The following SPAST variants were observed in gnomAD, a reference collection of about 807,000 sequenced individuals.
SPAST encodes the protein spastin, also known as spastic paraplegia 4 (autosomal dominant; spastin).
In SPAST, 30 loss-of-function variants were observed where a neutral mutation model predicts 76.6. The observed-to-expected ratio is 0.39, with a 90% CI of 0.29 to 0.53. SPAST has a LOEUF of 0.53. Among genes scored for constraint, SPAST ranks in the 20% least tolerant of loss-of-function variants. The probability of loss-of-function intolerance (pLI) is 0.68; values close to 1 mark genes in which losing one functional copy is unlikely to be tolerated. For missense variants in SPAST, 717 were observed against 770.5 expected (o/e 0.93, Z 0.82); for synonymous variants, 305 against 281.0 (o/e 1.09, Z -0.86).
chr2:32,132,793 G>A (rs1324637629), intron 9 of SPAST, among the ~76,000 whole-genome samples: 1 of 152,178 alleles, frequency 6.6e-6, no homozygotes, highest in Non-Finnish European at 1.5e-5. Flanking sequence ...CAGGTCAGGA[G>A]TTTGAGACCA....
Position 32,113,947 on chromosome 2 carries a change from G to GT in SPAST, c.683-680dup, listed in dbSNP as rs1392096701. ...TAAAAATACTGTTTTTTGTTTTTTT[G>GT]TTTTTTTTTTTATTTGAGATGGAAT... On this transcript the variant is annotated intron_variant, in intron 4 of 16. Transcript: ENST00000315285. Among the ~76,000 whole-genome samples the GT allele has an allele frequency of 3.8e-3, 543 of 142,296 alleles. 4 individuals carry two copies. Among genetic ancestry groups the GT allele is most frequent in the East Asian group, 0.036 (172 of 4,832 alleles). 93.4% of individuals were successfully genotyped at this position (142,296 alleles called of 152,430 possible).
intron 4 of SPAST, among the ~76,000 whole-genome samples, chr2:32,110,397 C>T (rs1474354852): frequency 2.0e-5 from 3 of 148,242 alleles, no homozygotes; most frequent in South Asian, 2.1e-4. Context: ...GGATTACAGG[C>T]GTGAGCCACC....
intron 7 of SPAST, among the ~76,000 whole-genome samples, chr2:32,120,877 G>A (rs567006924): frequency 1.4e-4 from 22 of 152,190 alleles, no homozygotes; most frequent in African/African-American, 4.8e-4. Context: ...TTATTCTGCT[G>A]TCTTCTCATT....
At chr2:32,064,273 G>A in intron 1 of SPAST, 27 bp downstream of exon 1, 1 of 1,501,424 alleles carries the variant, frequency 6.7e-7, no homozygotes, top group South Asian at 1.2e-5. Flanking sequence ...GGGAGGGGGC[G>A]GCGGCGCCGG....
chr2:32,116,988 C>T (rs1163077378), intron 7 of SPAST, among the ~76,000 whole-genome samples: 7 of 151,146 alleles, frequency 4.6e-5, no homozygotes, highest in Admixed American at 1.3e-4. Context: ...AGGCCGGGTA[C>T]GGTAGTTCAC....
chr2:32,063,713 G>C lies in SPAST; in HGVS notation c.-119G>C. 2.9e-6 allele frequency: 4 copies of C among 1,396,716 alleles called. No individual in the cohort carries two copies. In the South Asian group the frequency reaches 5.4e-5, roughly 19 times the overall value. 86.5% of individuals were successfully genotyped at this position (1,396,716 alleles called of 1,614,324 possible). On this transcript the variant is annotated 5_prime_UTR_variant, in exon 1 of 17. Transcript: ENST00000315285. ...CAGCGTGCGGCAGTGCGGAGCTCCT[G>C]AGACCGGCGGGCACACGGGGGTCTG...
intron 1 of SPAST, among the ~76,000 whole-genome samples, chr2:32,085,205 C>CTTTTTTT (rs11399879): frequency 4.9e-4 from 59 of 119,700 alleles, no homozygotes; most frequent in East Asian, 9.8e-4. Context: ...TCTTCTTCTT[C>CTTTTTTT]TTTTTTTTTT....
At chr2:32,113,632 C>G (rs1246442463) in intron 4 of SPAST, among the ~76,000 whole-genome samples, 1 of 133,674 alleles carries the variant, frequency 7.5e-6, no homozygotes, top group Non-Finnish European at 1.5e-5. Context: ...GTAGTGCAAT[C>G]TCGGCTTACT....
rs1272163384 is a variant in SPAST, at chr2:32,109,612, T to A, written c.683-5026T>A. Among the ~76,000 whole-genome samples, 6 of 151,218 alleles carry A rather than the reference T, an allele frequency of 4.0e-5. No homozygotes were observed. The East Asian group carries it at 7.7e-4, about 20-fold the overall frequency. ...CTTTTTTTTTTCTATCAGTTTTTGA[T>A]AATCATTGACTCCTTATGGTCAAAG... is the stretch of plus-strand genomic sequence containing the variant. On this transcript the variant is annotated intron_variant, in intron 4 of 16. Transcript: ENST00000315285.
At chr2:32,077,985 T>A (rs1677034234) in intron 1 of SPAST, 1 of 152,062 alleles carries the variant, frequency 6.6e-6, no homozygotes, top group East Asian at 1.9e-4. Flanking sequence ...TTGTTTGTTT[T>A]GTTTTGTTTT....
intron 4 of SPAST, among the ~76,000 whole-genome samples, chr2:32,111,979 G>A (rs139013545): frequency 7.0e-5 from 10 of 142,146 alleles, no homozygotes; most frequent in Non-Finnish European, 1.2e-4. Flanking sequence ...GTTAGTAGTA[G>A]TAGTAGTAGT....
chr2:32,134,660 T>C (rs1363543363), intron 9 of SPAST, among the ~76,000 whole-genome samples: 1 of 151,918 alleles, frequency 6.6e-6, no homozygotes, highest in Non-Finnish European at 1.5e-5. Flanking sequence ...TAATGGAAAG[T>C]ATTGTTGTGG....
chr2:32,063,801 G>A lies in SPAST; in HGVS notation c.-31G>A. Reference sequence around the variant, plus strand: ...GTTCCCGTCGGTCTGCGGGAGGCGGGTTATGGCGGCGGCGGCAGTGAGAGC... The same window carrying A: ...GTTCCCGTCGGTCTGCGGGAGGCGGATTATGGCGGCGGCGGCAGTGAGAGC... On this transcript the variant is annotated 5_prime_UTR_variant, in exon 1 of 17. Coordinates refer to ENST00000315285, the MANE Select transcript of SPAST (RefSeq NM_014946.4). The A allele has an allele frequency of 6.4e-7, 1 of 1,551,722 alleles. No homozygotes were observed. Among genetic ancestry groups the A allele is most frequent in the Non-Finnish European group, 8.6e-7 (1 of 1,157,080 alleles).
chr2:32,149,740 G>C (rs1362236147), intron 16 of SPAST, among the ~76,000 whole-genome samples: 1 of 152,134 alleles, frequency 6.6e-6, no homozygotes, highest in South Asian at 2.1e-4. Flanking sequence ...ATCTAGAGAT[G>C]ATTTAAAGTA....
At chr2:32,072,268 C>A (rs1331393618) in intron 1 of SPAST, among the ~76,000 whole-genome samples, 1 of 152,092 alleles carries the variant, frequency 6.6e-6, no homozygotes, top group African/African-American at 2.4e-5. Flanking sequence ...TGGTCTCGAT[C>A]TCTTGACCTC....
chr2:32,087,648 T>TATTG, intron 2 of SPAST, 70 bp downstream of exon 2: 2 of 508,386 alleles, frequency 3.9e-6, no homozygotes, highest in Non-Finnish European at 6.6e-6. Flanking sequence ...ATTTCAGATC[T>TATTG]ATTTATTTAT....
chr2:32,090,240 A>G (rs933752803), intron 3 of SPAST, among the ~76,000 whole-genome samples: 5 of 152,110 alleles, frequency 3.3e-5, no homozygotes, highest in African/African-American at 1.2e-4. Context: ...TCCTTTAGGT[A>G]TTGTCTATGG....
Position 32,147,200 on chromosome 2 carries a change from G to A in SPAST, c.1688-18G>A, listed in dbSNP as rs758660192. 1.9e-6 allele frequency: 3 copies of A among 1,600,766 alleles called. No individual in the cohort carries two copies. In the Admixed American group the frequency reaches 5.0e-5, roughly 27 times the overall value. On this transcript the variant is annotated intron_variant, in intron 15 of 16. Transcript: ENST00000315285. Reference sequence around the variant, plus strand: ...AAAATGTATGTATTTTTAAGTGCCTGACTTTTATGTTTTACAGAACTAAAA... The same window carrying A: ...AAAATGTATGTATTTTTAAGTGCCTAACTTTTATGTTTTACAGAACTAAAA...
At chr2:32,147,632 T>G (rs1679937908) in intron 16 of SPAST, among the ~76,000 whole-genome samples, 1 of 139,268 alleles carries the variant, frequency 7.2e-6, no homozygotes, top group Admixed American at 7.4e-5. Context: ...GTTTGTTTGT[T>G]TGTTTGTTTG....
Sources: allele counts gnomAD v4.1 joint callset (sites outside exome capture counted in the v4.1 genomes callset), GRCh38; gene constraint gnomAD v4.1.1; transcripts MANE v1.5; gene names NCBI Gene and HGNC (gene_info 2026-07-23, HGNC 2026-07-21).